Variants in TPBGL observed in about 807,000 individuals in gnomAD.
The protein encoded by TPBGL is trophoblast glycoprotein-like.
For synonymous variants in TPBGL, 380 were observed against 314.8 expected, an observed-to-expected ratio of 1.21 and a Z score of -2.19; for missense variants, 685 against 609.4, an observed-to-expected ratio of 1.12 and a Z score of -1.31.
At position 75,242,008 on chromosome 11, in the gene TPBGL, T is replaced by A; in HGVS notation, c.959T>A (p.Leu320His). Residue 320 changes from leucine to histidine, a missense_variant, in exon 1 of 1, where the codon CTC becomes CAC. Transcript: ENST00000562197. Reference sequence around the variant, plus strand: ...GGGCTGGTGCTGGCACTCATCGGCCTCATCTTCCTCATGGTGCTCTACCTA... The same window carrying A: ...GGGCTGGTGCTGGCACTCATCGGCCACATCTTCCTCATGGTGCTCTACCTA... ...FFGLVLALIG[L>H]IFLMVLYLNR... is the part of the protein sequence containing the mutation. 6.7e-7 allele frequency: 1 copy of A among 1,487,930 alleles called. No homozygotes were observed. The highest frequency in any genetic ancestry group is 8.9e-7 in the Non-Finnish European group (1 of 1,121,408). The allele number at this position is 1,487,930 out of a possible 1,614,324, so 92.2% of individuals were successfully genotyped here. A position where few individuals can be genotyped will look rare whatever the true frequency, so the allele number is the denominator to read the frequency against.
At position 75,241,807 on chromosome 11, in the gene TPBGL, C is replaced by T. The variant is rs558140099; in HGVS notation, c.758C>T (p.Thr253Met). 6 of 1,302,248 alleles carry T rather than the reference C, an allele frequency of 4.6e-6. No homozygotes were observed. In the African/African-American group the frequency reaches 9.4e-5, roughly 20 times the overall value. 80.7% of individuals were successfully genotyped at this position (1,302,248 alleles called of 1,614,324 possible). A position where few individuals can be genotyped will look rare whatever the true frequency, so the allele number is the denominator to read the frequency against. The change falls in exon 1 of 1, where the codon ACG becomes ATG. Residue 253 changes from threonine (T) to methionine (M), a missense_variant. Physicochemically the swap from Thr to Met is moderately conservative, Grantham distance 81 (BLOSUM62 -1). Transcript: ENST00000562197. The stretch of plus-strand genomic sequence containing the variant: ...CTGCTGGCCTGGCTGCGCAACGCCA[C>T]GGAGCGCGTGCCCGACTCGCGGCGC... ...RPLLAWLRNA[T>M]ERVPDSRRLR...
At position 75,241,528 on chromosome 11, in the gene TPBGL, TGCTGGCCGC is replaced by T; in HGVS notation, c.485_493del (p.Ala162_Leu164del). On this transcript the variant is annotated inframe_deletion, in exon 1 of 1. Transcript: ENST00000562197. ...GCGCTGGTGCGCGGCGGCCCCGCGCTGCTGGCCGCGCTGGACGCTGCGCTGGCACCGCTG... is the reference window on the plus strand; with the variant it reads ...GCGCTGGTGCGCGGCGGCCCCGCGCTGCTGGACGCTGCGCTGGCACCGCTG... 1.5e-5 allele frequency: 18 copies of T among 1,217,322 alleles called. No homozygotes were observed. The highest frequency in any genetic ancestry group is 1.6e-5 in the Non-Finnish European group (16 of 979,294). The allele number at this position is 1,217,322 out of a possible 1,614,324, so 75.4% of individuals were successfully genotyped here.
rs560804818 is a variant in TPBGL, at chr11:75,242,339, C to T, written c.*141C>T. The T allele has an allele frequency of 1.1e-5, 11 of 1,002,592 alleles. No individual in the cohort carries two copies. The African/African-American group carries it at 1.7e-4, about 16-fold the overall frequency. The allele number at this position is 1,002,592 out of a possible 1,614,324, so 62.1% of individuals were successfully genotyped here. ...TCTCGTTCCCGCCTCCGAGAGCTCC[C>T]ACCGTCAAAGACCCAGAGATAGCCG... On this transcript the variant is annotated 3_prime_UTR_variant, in exon 1 of 1. Transcript: ENST00000562197.
In TPBGL at chr11:75,241,145, C is replaced by T; in HGVS notation, c.96C>T (p.Tyr32=). Residue 32 remains tyrosine, a synonymous_variant, in exon 1 of 1, where the codon TAC becomes TAT. Coordinates refer to ENST00000562197, the MANE Select transcript of TPBGL (RefSeq NM_001195528.2). ...CGGCACCCTGCCCCTTCCAGTGCTA[C>T]TGCTTCGGCGGCCCCAAGCTGCTGC... The part of the protein sequence containing the change: ...QPAAPCPFQC[Y]CFGGPKLLLR... 1 of 1,448,864 alleles carries T rather than the reference C, an allele frequency of 6.9e-7. No homozygotes were observed. Among genetic ancestry groups the T allele is most frequent in the South Asian group, 1.3e-5 (1 of 76,718 alleles). 89.8% of individuals were successfully genotyped at this position (1,448,864 alleles called of 1,614,324 possible). A position where few individuals can be genotyped will look rare whatever the true frequency, so the allele number is the denominator to read the frequency against.
At position 75,241,283 on chromosome 11, in the gene TPBGL, C is replaced by T; in HGVS notation, c.234C>T (p.Phe78=). The part of the protein sequence containing the change: ...ANLTVLRAAA[F]AGGDGDGDQA... ...TGACGGTGCTGCGCGCGGCCGCCTT[C>T]GCCGGCGGGGACGGGGACGGCGACC... is the stretch of plus-strand genomic sequence containing the variant. The change falls in exon 1 of 1, where the codon TTC becomes TTT. Residue 78 remains phenylalanine, a synonymous_variant. Transcript: ENST00000562197. 1.5e-6 allele frequency: 2 copies of T among 1,348,316 alleles called. No individual in the cohort carries two copies. Among genetic ancestry groups the T allele is most frequent in the Non-Finnish European group, 9.5e-7 (1 of 1,056,700 alleles). The allele number at this position is 1,348,316 out of a possible 1,614,324, so 83.5% of individuals were successfully genotyped here.
At position 75,241,418 on chromosome 11, in the gene TPBGL, C is replaced by T. The variant is rs1591862898; in HGVS notation, c.369C>T (p.Leu123=). ...AFDGLPSLAA[L]DLSHNPLRAL... ...ACGGGCTGCCCAGCCTGGCGGCGCT[C>T]GACCTCAGCCACAACCCGCTGCGCG... is the stretch of plus-strand genomic sequence containing the variant. The change falls in exon 1 of 1, where the codon CTC becomes CTT. Residue 123 remains leucine, a synonymous_variant. Transcript: ENST00000562197. The T allele has an allele frequency of 7.5e-7, 1 of 1,338,010 alleles. No individual in the cohort carries two copies. The highest frequency in any genetic ancestry group is 9.6e-7 in the Non-Finnish European group (1 of 1,045,428). 82.9% of individuals were successfully genotyped at this position (1,338,010 alleles called of 1,614,324 possible). A position where few individuals can be genotyped will look rare whatever the true frequency, so the allele number is the denominator to read the frequency against.
rs1945598332 is a variant in TPBGL, at chr11:75,241,512, C to G, written c.463C>G (p.Arg155Gly). The change falls in exon 1 of 1, where the codon CGC becomes GGC. Residue 155 changes from arginine (R) to glycine (G), a missense_variant. Coordinates refer to ENST00000562197, the MANE Select transcript of TPBGL (RefSeq NM_001195528.2). ...RSLQLNHALV[R>G]GGPALLAALD... ...GCTGCAGCTCAACCACGCGCTGGTG[C>G]GCGGCGGCCCCGCGCTGCTGGCCGC... is the stretch of plus-strand genomic sequence containing the variant. 1.6e-6 allele frequency: 2 copies of G among 1,213,736 alleles called. No homozygotes were observed. Among genetic ancestry groups the G allele is most frequent in the East Asian group, 3.8e-5 (1 of 26,486 alleles). The allele number at this position is 1,213,736 out of a possible 1,614,324, so 75.2% of individuals were successfully genotyped here. A position where few individuals can be genotyped will look rare whatever the true frequency, so the allele number is the denominator to read the frequency against.
rs1591862825 is a variant in TPBGL, at chr11:75,241,298, G to GGACGGC, written c.253_258dup (p.Gly85_Asp86dup). 13 of 1,347,286 alleles carry GGACGGC rather than the reference G, an allele frequency of 9.6e-6. No individual in the cohort carries two copies. In the East Asian group the frequency reaches 1.9e-4, roughly 20 times the overall value. The allele number at this position is 1,347,286 out of a possible 1,614,324, so 83.5% of individuals were successfully genotyped here. A position where few individuals can be genotyped will look rare whatever the true frequency, so the allele number is the denominator to read the frequency against. On this transcript the variant is annotated inframe_insertion, in exon 1 of 1. Coordinates refer to ENST00000562197, the MANE Select transcript of TPBGL (RefSeq NM_001195528.2). ...CGGCCGCCTTCGCCGGCGGGGACGG[G>GGACGGC]GACGGCGACCAGGCGGCGGGCGTGC...
In TPBGL at chr11:75,242,227, T is replaced by C; in HGVS notation, c.*29T>C. Reference sequence around the variant, plus strand: ...GCGCCCCCGGGCTCGGGGCTTCCCTTGCCTGGCCCGAAGCCGTGGAGATGA... The same window carrying C: ...GCGCCCCCGGGCTCGGGGCTTCCCTCGCCTGGCCCGAAGCCGTGGAGATGA... On this transcript the variant is annotated 3_prime_UTR_variant, in exon 1 of 1. Coordinates refer to ENST00000562197, the MANE Select transcript of TPBGL (RefSeq NM_001195528.2). The C allele has an allele frequency of 9.2e-7, 1 of 1,085,742 alleles. No homozygotes were observed. The highest frequency in any genetic ancestry group is 1.1e-6 in the Non-Finnish European group (1 of 897,132). The allele number at this position is 1,085,742 out of a possible 1,614,324, so 67.3% of individuals were successfully genotyped here.
Position 75,241,192 on chromosome 11 carries a change from A to C in TPBGL, c.143A>C (p.Glu48Ala). The C allele has an allele frequency of 6.9e-7, 1 of 1,450,964 alleles. No individual in the cohort carries two copies. Among genetic ancestry groups the C allele is most frequent in the Non-Finnish European group, 9.1e-7 (1 of 1,104,642 alleles). 89.9% of individuals were successfully genotyped at this position (1,450,964 alleles called of 1,614,324 possible). ...CTGCTGCGCTGCGCGTCGGGAGCCG[A>C]GCTCCGCCAGCCTCCGCGGGACGTG... ...KLLLRCASGA[E>A]LRQPPRDVPP... The change falls in exon 1 of 1, where the codon GAG becomes GCG. Residue 48 changes from glutamate to alanine, a missense_variant. Transcript: ENST00000562197.
chr11:75,241,835 G>A lies in TPBGL; in HGVS notation c.786G>A (p.Leu262=). The change falls in exon 1 of 1, where the codon CTG becomes CTA. Residue 262 remains leucine, a synonymous_variant. Transcript: ENST00000562197. ...ATERVPDSRR[L]RCAAPRALLD... is the part of the protein sequence containing the mutation. The stretch of plus-strand genomic sequence containing the variant: ...AGCGCGTGCCCGACTCGCGGCGCCT[G>A]CGCTGCGCCGCCCCGCGGGCGCTGC... 6 of 1,289,936 alleles carry A rather than the reference G, an allele frequency of 4.7e-6. No individual in the cohort carries two copies. The South Asian group carries it at 9.1e-5, about 20-fold the overall frequency. 79.9% of individuals were successfully genotyped at this position (1,289,936 alleles called of 1,614,324 possible).
chr11:75,241,761 T>G lies in TPBGL; in HGVS notation c.712T>G (p.Cys238Gly). The G allele has an allele frequency of 7.7e-7, 1 of 1,303,522 alleles. No individual in the cohort carries two copies. Among genetic ancestry groups the G allele is most frequent in the Non-Finnish European group, 9.8e-7 (1 of 1,024,162 alleles). 80.7% of individuals were successfully genotyped at this position (1,303,522 alleles called of 1,614,324 possible). The change falls in exon 1 of 1, where the codon TGC becomes GGC. Residue 238 changes from cysteine (C) to glycine (G), a missense_variant. Physicochemically the swap from Cys to Gly is radical, Grantham distance 159 (BLOSUM62 -3). Transcript: ENST00000562197. Reference protein sequence around the residue: ...RLLLADNPLRCGCAARPLLAW... With the variant: ...RLLLADNPLRGGCAARPLLAW... ...GCTGCTCGCCGACAACCCCCTGCGC[T>G]GCGGCTGTGCCGCACGCCCCCTGCT...
At position 75,240,975 on chromosome 11, in the gene TPBGL, C is replaced by G; in HGVS notation, c.-75C>G. Reference sequence around the variant, plus strand: ...GCTCCGGGTCAAGGACTCGCCCCACCCGTGCCCCCCACCAGGCGCTCCCAA... The same window carrying G: ...GCTCCGGGTCAAGGACTCGCCCCACGCGTGCCCCCCACCAGGCGCTCCCAA... On this transcript the variant is annotated 5_prime_UTR_variant, in exon 1 of 1. Transcript: ENST00000562197. The G allele has an allele frequency of 2.7e-6, 3 of 1,096,320 alleles. No individual in the cohort carries two copies. Among genetic ancestry groups the G allele is most frequent in the South Asian group, 8.9e-5 (2 of 22,472 alleles). The allele number at this position is 1,096,320 out of a possible 1,614,324, so 67.9% of individuals were successfully genotyped here.
rs1402238020 is a variant in TPBGL at position 75,241,828 on chromosome 11, G to C, written c.779G>C (p.Arg260Pro). Reference protein sequence around the residue: ...RNATERVPDSRRLRCAAPRAL... With the variant: ...RNATERVPDSPRLRCAAPRAL... ...GCCACGGAGCGCGTGCCCGACTCGC[G>C]GCGCCTGCGCTGCGCCGCCCCGCGG... The change falls in exon 1 of 1, where the codon CGG (arginine) becomes CCG (proline). Residue 260 changes from arginine to proline, a missense_variant. Physicochemically the swap from Arg to Pro is moderately radical, Grantham distance 103 (BLOSUM62 -2). Coordinates refer to ENST00000562197, the MANE Select transcript of TPBGL (RefSeq NM_001195528.2). 18 of 1,285,786 alleles carry C rather than the reference G, an allele frequency of 1.4e-5. No homozygotes were observed. The Admixed American group carries it at 3.7e-4, about 26-fold the overall frequency. The allele number at this position is 1,285,786 out of a possible 1,614,324, so 79.6% of individuals were successfully genotyped here.
chr11:75,241,545 G>A lies in TPBGL; in HGVS notation c.496G>A (p.Ala166Thr). The change falls in exon 1 of 1, where the codon GCT becomes ACT. Residue 166 changes from alanine to threonine, a missense_variant. Ala to Thr is a moderately conservative substitution (Grantham distance 58). Transcript: ENST00000562197. ...CCCCGCGCTGCTGGCCGCGCTGGAC[G>A]CTGCGCTGGCACCGCTGGCCGAGCT... ...GGPALLAALD[A>T]ALAPLAELRL... The A allele has an allele frequency of 1.6e-6, 2 of 1,260,968 alleles. No homozygotes were observed. The highest frequency in any genetic ancestry group is 1.6e-5 in the African/African-American group (1 of 62,880). The allele number at this position is 1,260,968 out of a possible 1,614,324, so 78.1% of individuals were successfully genotyped here.
rs1380454128 is a variant in TPBGL at position 75,243,612 on chromosome 11, G to A, written c.*1414G>A. The A allele has an allele frequency of 2.0e-5, 3 of 152,140 alleles. No individual in the cohort carries two copies. The highest frequency in any genetic ancestry group is 4.4e-5 in the Non-Finnish European group (3 of 68,050). 9.4% of individuals were successfully genotyped at this position (152,140 alleles called of 1,614,324 possible). Reference sequence around the variant, plus strand: ...GGAAGTCACCTTCCTTTAATATATTGGCTTGAGGCCTGCCTGCCCTCCCCA... The same window carrying A: ...GGAAGTCACCTTCCTTTAATATATTAGCTTGAGGCCTGCCTGCCCTCCCCA... On this transcript the variant is annotated 3_prime_UTR_variant, in exon 1 of 1. Transcript: ENST00000562197.
In TPBGL at chr11:75,242,037, C is replaced by T; in HGVS notation, c.988C>T (p.Arg330Cys). ...CTTCCTCATGGTGCTCTACCTAAAC[C>T]GCCGCGGCATCCAGCGCTGGATGCG... ...LIFLMVLYLN[R>C]RGIQRWMRNL... is the part of the protein sequence containing the mutation. Residue 330 changes from arginine (R) to cysteine (C), a missense_variant, in exon 1 of 1, where the codon CGC becomes TGC. Physicochemically the swap from Arg to Cys is radical, Grantham distance 180. Transcript: ENST00000562197. 6.9e-7 allele frequency: 1 copy of T among 1,459,132 alleles called. No homozygotes were observed. The highest frequency in any genetic ancestry group is 9.0e-7 in the Non-Finnish European group (1 of 1,105,184). The allele number at this position is 1,459,132 out of a possible 1,614,324, so 90.4% of individuals were successfully genotyped here. A position where few individuals can be genotyped will look rare whatever the true frequency, so the allele number is the denominator to read the frequency against.
Position 75,241,464 on chromosome 11 carries a change from C to T in TPBGL, c.415C>T (p.Arg139Cys), listed in dbSNP as rs769142262. Residue 139 changes from arginine (R) to cysteine (C), a missense_variant, in exon 1 of 1, where the codon CGC becomes TGC. Coordinates refer to ENST00000562197, the MANE Select transcript of TPBGL (RefSeq NM_001195528.2). Reference protein sequence around the residue: ...PLRALGGGAFRGLPALRSLQL... With the variant: ...PLRALGGGAFCGLPALRSLQL... ...GCGCGCCCTGGGCGGCGGCGCCTTC[C>T]GCGGGCTGCCCGCGCTGCGCTCGCT... is the stretch of plus-strand genomic sequence containing the variant. 7.9e-7 allele frequency: 1 copy of T among 1,262,890 alleles called. No homozygotes were observed. Among genetic ancestry groups the T allele is most frequent in the Non-Finnish European group, 9.9e-7 (1 of 1,005,966 alleles). The allele number at this position is 1,262,890 out of a possible 1,614,324, so 78.2% of individuals were successfully genotyped here. A position where few individuals can be genotyped will look rare whatever the true frequency, so the allele number is the denominator to read the frequency against.
In TPBGL at chr11:75,241,332, C is replaced by G; in HGVS notation, c.283C>G (p.Leu95Val). The change falls in exon 1 of 1, where the codon CTC (leucine) becomes GTC (valine). Residue 95 changes from leucine (L) to valine (V), a missense_variant. Transcript: ENST00000562197. ...CCAGGCGGCGGGCGTGCGCCTGCCG[C>G]TCCTGAGCGCGCTGCGCCTCACGCA... ...GDQAAGVRLP[L>V]LSALRLTHNH... 1.5e-6 allele frequency: 2 copies of G among 1,353,010 alleles called. No individual in the cohort carries two copies. Among genetic ancestry groups the G allele is most frequent in the Non-Finnish European group, 1.9e-6 (2 of 1,058,032 alleles). 83.8% of individuals were successfully genotyped at this position (1,353,010 alleles called of 1,614,324 possible).
Sources: gnomAD v4.1 joint callset for allele counts on GRCh38, gnomAD v4.1.1 for gene constraint, MANE v1.5 for transcripts, NCBI Gene and HGNC (gene_info 2026-07-23, HGNC 2026-07-21) for gene names.